Variants in IMMP2L observed in about 807,000 individuals in gnomAD.
The protein encoded by IMMP2L is mitochondrial inner membrane protease subunit 2.
A neutral mutation model predicts 19.3 loss-of-function variants in IMMP2L; 18 were observed. The observed-to-expected ratio is 0.93, with a 90% CI of 0.64 to 1.38. The LOEUF is 1.38. Among genes scored for constraint, IMMP2L ranks in the 40% most tolerant of loss-of-function variants. IMMP2L has a pLI of 0.00. For missense variants in IMMP2L, 233 were observed against 218.2 expected (o/e 1.07, Z -0.43); for synonymous variants, 76 against 73.0 (o/e 1.04, Z -0.21).
intron 3 of IMMP2L, among the ~76,000 whole-genome samples, chr7:111,474,143 T>C (rs1051655982): frequency 4.6e-5 from 7 of 151,928 alleles, no homozygotes; most frequent in African/African-American, 1.7e-4. Flanking sequence ...AACATAAAGA[T>C]GGCAATAATA....
intron 3 of IMMP2L, among the ~76,000 whole-genome samples, chr7:111,422,841 A>T (rs578245932): frequency 3.4e-4 from 52 of 151,838 alleles, no homozygotes; most frequent in Middle Eastern, 3.4e-3. Flanking sequence ...TCAGTGTGAT[A>T]TTGGCTGTGG....
At chr7:111,256,483 AAT>A (rs767743761) in intron 3 of IMMP2L, among the ~76,000 whole-genome samples, 1 of 152,074 alleles carries the variant, frequency 6.6e-6, no homozygotes, top group Non-Finnish European at 1.5e-5. Flanking sequence ...AAATGAATAG[AAT>A]ATGTCAGTGA....
At chr7:111,189,926 T>C (rs762591150) in intron 3 of IMMP2L, among the ~76,000 whole-genome samples, 3 of 152,144 alleles carry the variant, frequency 2.0e-5, no homozygotes, top group Admixed American at 6.6e-5. Context: ...TGTGTGACTA[T>C]AATAAGGTTT....
chr7:110,909,194 T>C (rs962068783), intron 4 of IMMP2L, among the ~76,000 whole-genome samples: 1 of 152,070 alleles, frequency 6.6e-6, no homozygotes, highest in African/African-American at 2.4e-5. Context: ...GAACACAGTA[T>C]GAAATGAGGC....
At chr7:111,452,282 T>G (rs1839276755) in intron 3 of IMMP2L, among the ~76,000 whole-genome samples, 2 of 152,160 alleles carry the variant, frequency 1.3e-5, no homozygotes, top group Admixed American at 1.3e-4. Context: ...AGCTAACTAT[T>G]ATTTTAACAA....
chr7:110,886,449 A>G (rs1810229178), intron 5 of IMMP2L, 144 bp downstream of exon 5: 5 of 599,812 alleles, frequency 8.3e-6, no homozygotes, highest in Middle Eastern at 2.8e-4. Context: ...TATGATACTT[A>G]AAAGGAAATT....
chr7:110,919,596 C>T (rs1444578278), intron 4 of IMMP2L, among the ~76,000 whole-genome samples: 2 of 151,764 alleles, frequency 1.3e-5, no homozygotes, highest in African/African-American at 4.8e-5. Context: ...GTTTGCATAC[C>T]GGAGAGGAGA....
At chr7:110,800,983 CTAAAAACAAAAAAAT>C (rs1208892493) in intron 5 of IMMP2L, among the ~76,000 whole-genome samples, 1 of 151,936 alleles carries the variant, frequency 6.6e-6, no homozygotes, top group Non-Finnish European at 1.5e-5. Context: ...GGATCAGGCA[CTAAAAACAAAAAAAT>C]TAAAAACCCT....
At chr7:110,923,637 T>G (rs560571721) in intron 4 of IMMP2L, among the ~76,000 whole-genome samples, 1 of 152,290 alleles carries the variant, frequency 6.6e-6, no homozygotes, top group African/African-American at 2.4e-5. Context: ...AAGCATTACT[T>G]TTTCATAAAA....
rs186521001 is a variant in IMMP2L at position 110,879,374 on chromosome 7, C to T, written c.408+7219G>A. ...CTGTACTCCAGCCTGGGTGGAAGAG[C>T]GAGAATCTATCTCAAAAAAAAAAAA... is the stretch of plus-strand genomic sequence containing the variant. On this transcript the variant is annotated intron_variant, in intron 5 of 5. Coordinates refer to ENST00000405709, the MANE Select transcript of IMMP2L (RefSeq NM_032549.4). Among the ~76,000 whole-genome samples the T allele has an allele frequency of 1.8e-3, 263 of 142,202 alleles. 1 individual carries two copies. Among genetic ancestry groups the T allele is most frequent in the African/African-American group, 6.5e-3 (246 of 37,910 alleles). 93.3% of individuals were successfully genotyped at this position (142,202 alleles called of 152,430 possible).
intron 2 of IMMP2L, among the ~76,000 whole-genome samples, chr7:111,516,887 A>G (rs1025709703): frequency 3.3e-5 from 5 of 152,128 alleles, no homozygotes. Flanking sequence ...GAGTGACGAC[A>G]CAGAGAAGTC....
intron 3 of IMMP2L, among the ~76,000 whole-genome samples, chr7:111,274,533 T>C (rs1164141617): frequency 6.6e-6 from 1 of 152,172 alleles, no homozygotes; most frequent in Non-Finnish European, 1.5e-5. Context: ...TACAGTAAAA[T>C]AATTACCAGC....
chr7:111,062,047 A>C (rs1027341714), intron 3 of IMMP2L, among the ~76,000 whole-genome samples: 1 of 152,030 alleles, frequency 6.6e-6, no homozygotes, highest in Non-Finnish European at 1.5e-5. Context: ...CTTGCTTAGC[A>C]CCCTTTCTTT....
chr7:110,977,292 C>A (rs1390160499), intron 3 of IMMP2L, among the ~76,000 whole-genome samples: 1 of 151,930 alleles, frequency 6.6e-6, no homozygotes, highest in Non-Finnish European at 1.5e-5. Flanking sequence ...TTGAGCAAGT[C>A]ATTTAGCTAT....
chr7:110,835,541 A>C (rs1804369561), intron 5 of IMMP2L, among the ~76,000 whole-genome samples: 1 of 152,146 alleles, frequency 6.6e-6, no homozygotes, highest in African/African-American at 2.4e-5. Flanking sequence ...CAGGAGTAGC[A>C]AAGCCAGGAC....
At chr7:111,322,706 T>A (rs539330055) in intron 3 of IMMP2L, among the ~76,000 whole-genome samples, 1 of 151,794 alleles carries the variant, frequency 6.6e-6, no homozygotes, top group South Asian at 2.1e-4. Flanking sequence ...CCAAGAAACC[T>A]ACTAATAATG....
At chr7:110,750,780 G>A (rs935089371) in intron 5 of IMMP2L, among the ~76,000 whole-genome samples, 3 of 152,006 alleles carry the variant, frequency 2.0e-5, no homozygotes, top group Admixed American at 1.3e-4. Context: ...AAGGCCGGAC[G>A]AGGGTGAAAC....
chr7:110,721,740 A>C (rs1333019152), intron 5 of IMMP2L, among the ~76,000 whole-genome samples: 14 of 152,272 alleles, frequency 9.2e-5, no homozygotes, highest in Admixed American at 7.9e-4. Context: ...ATGTTAATTC[A>C]ACAAGTATTA....
chr7:110,989,627 A>T (rs889974332), intron 3 of IMMP2L, among the ~76,000 whole-genome samples: 1 of 150,992 alleles, frequency 6.6e-6, no homozygotes, highest in African/African-American at 2.4e-5. Context: ...CTCGTTTTTG[A>T]AAATAAATAT....
Sources: gnomAD v4.1 joint callset for allele counts (sites outside exome capture counted in the v4.1 genomes callset) on GRCh38, gnomAD v4.1.1 for gene constraint, MANE v1.5 for transcripts, NCBI Gene and HGNC (gene_info 2026-07-23, HGNC 2026-07-21) for gene names.